Variants in AGAP1 observed in about 807,000 individuals in gnomAD.
AGAP1 encodes the protein ArfGAP with GTPase domain, ankyrin repeat and PH domain 1, also known as arf-GAP with GTPase, ANK repeat and PH domain-containing protein 1.
In AGAP1, 29 loss-of-function variants were observed where a neutral mutation model predicts 105.3. The ratio of observed to expected loss-of-function variants is 0.28; its 90% CI spans 0.21 to 0.38. The LOEUF (loss-of-function observed/expected upper bound fraction) is 0.38, where lower values mean the gene tolerates loss of function less well. AGAP1 is among the 10% of genes least tolerant of loss of function. AGAP1 has a pLI of 1.00. For missense variants in AGAP1, 998 were observed against 1,165.1 expected (o/e 0.86, Z 2.09); for synonymous variants, 509 against 485.9 (o/e 1.05, Z -0.63).
At chr2:235,835,334 C>T in intron 9 of AGAP1, among the ~76,000 whole-genome samples, 1 of 152,218 alleles carries the variant, frequency 6.6e-6, no homozygotes, top group Non-Finnish European at 1.5e-5. Context: ...CCAGAGCTCC[C>T]AGCCATCAAC....
At chr2:235,818,288 A>G (rs1369643446) in intron 9 of AGAP1, among the ~76,000 whole-genome samples, 4 of 152,212 alleles carry the variant, frequency 2.6e-5, no homozygotes, top group Non-Finnish European at 5.9e-5. Flanking sequence ...AGGTTCAGGG[A>G]TGTTAAGGTA....
rs1323289259 is a variant in AGAP1, at chr2:235,739,764, A to G, written c.311-1199A>G. 6.6e-6 allele frequency among the ~76,000 whole-genome samples: 1 copy of G among 152,130 alleles called. No individual in the cohort carries two copies. The highest frequency in any genetic ancestry group is 2.4e-5 in the African/African-American group (1 of 41,444). ...TAGCTGCCCGTCTGGAGGGCCTCGG[A>G]CACTTTCAGGCTGGGATGGGGACTC... On this transcript the variant is annotated intron_variant, in intron 3 of 17. Coordinates refer to ENST00000304032, the MANE Select transcript of AGAP1 (RefSeq NM_001037131.3). This position sits in a 1 kb window ranked among gnomAD's most constrained non-coding sequence, Gnocchi z 5.3.
intron 3 of AGAP1, among the ~76,000 whole-genome samples, chr2:235,727,739 C>T (rs1029339395): frequency 3.3e-5 from 5 of 152,198 alleles, no homozygotes; most frequent in Admixed American, 2.0e-4. Flanking sequence ...GAAAGGGGAG[C>T]GATCAGTCTC....
At chr2:235,528,769 C>T (rs747071601) in intron 1 of AGAP1, among the ~76,000 whole-genome samples, 7 of 152,230 alleles carry the variant, frequency 4.6e-5, no homozygotes, top group East Asian at 3.9e-4. Flanking sequence ...CTCCGCCTCC[C>T]GGGTTGCAAG....
chr2:236,076,311 G>A lies in AGAP1; in HGVS notation c.2114+27030G>A, dbSNP rs774016923. On this transcript the variant is annotated intron_variant, in intron 16 of 17. Coordinates refer to ENST00000304032, the MANE Select transcript of AGAP1 (RefSeq NM_001037131.3). The surrounding 1 kb of genome is among the most constrained non-coding windows in gnomAD (Gnocchi z 4.4). ...ACAAATACAAAAATTAGCCAGGCAT[G>A]GTGGCATGAGCCCATAATCCCAGCT... 3.9e-5 allele frequency among the ~76,000 whole-genome samples: 6 copies of A among 152,128 alleles called. No individual in the cohort carries two copies. The highest frequency in any genetic ancestry group is 7.4e-5 in the Non-Finnish European group (5 of 68,018).
chr2:236,029,192 T>TTG (rs202050879), intron 13 of AGAP1, among the ~76,000 whole-genome samples: 186 of 152,078 alleles, frequency 1.2e-3, no homozygotes, highest in African/African-American at 4.0e-3. Context: ...AGTTTTTTTT[T>TTG]TTTGTTTACA....
In AGAP1 at chr2:236,073,140, C is replaced by T. The variant is rs564730585; in HGVS notation, c.2114+23859C>T. ...TCCCCCGAGTAGCTGGGATTACAGGCGCACGCCACCACGCCTGGCTAATTT... is the reference window on the plus strand; with the variant it reads ...TCCCCCGAGTAGCTGGGATTACAGGTGCACGCCACCACGCCTGGCTAATTT... On this transcript the variant is annotated intron_variant, in intron 16 of 17. Coordinates refer to ENST00000304032, the MANE Select transcript of AGAP1 (RefSeq NM_001037131.3). This position sits in a 1 kb window ranked among gnomAD's most constrained non-coding sequence, Gnocchi z 5.4. Among the ~76,000 whole-genome samples, 4 of 152,090 alleles carry T rather than the reference C, an allele frequency of 2.6e-5. No homozygotes were observed. In the East Asian group the frequency reaches 5.8e-4, roughly 22 times the overall value.
intron 9 of AGAP1, among the ~76,000 whole-genome samples, chr2:235,880,742 A>G (rs924417609): frequency 9.2e-5 from 14 of 151,746 alleles, no homozygotes; most frequent in Admixed American, 7.2e-4. Flanking sequence ...TCCGTCTCAA[A>G]AAAAAAAAAA....
In AGAP1 at chr2:236,104,831, G is replaced by A. The variant is rs1056309564; in HGVS notation, c.2115-15361G>A. On this transcript the variant is annotated intron_variant, in intron 16 of 17. Transcript: ENST00000304032. This position sits in a 1 kb window ranked among gnomAD's most constrained non-coding sequence, Gnocchi z 4.7. ...TCGCTTGAACCGGGACCCGGGAGGCGGAGGTAGCAGTGAGCCCAAGTTCAT... is the reference window on the plus strand; with the variant it reads ...TCGCTTGAACCGGGACCCGGGAGGCAGAGGTAGCAGTGAGCCCAAGTTCAT... 5.3e-5 allele frequency among the ~76,000 whole-genome samples: 8 copies of A among 152,114 alleles called. No individual in the cohort carries two copies. The highest frequency in any genetic ancestry group is 8.8e-5 in the Non-Finnish European group (6 of 68,014).
At position 235,739,341 on chromosome 2, in the gene AGAP1, C is replaced by T. The variant is rs908775002; in HGVS notation, c.311-1622C>T. Among the ~76,000 whole-genome samples the T allele has an allele frequency of 6.6e-6, 1 of 152,220 alleles. No individual in the cohort carries two copies. The highest frequency in any genetic ancestry group is 2.4e-5 in the African/African-American group (1 of 41,472). On this transcript the variant is annotated intron_variant, in intron 3 of 17. Transcript: ENST00000304032. This position sits in a 1 kb window ranked among gnomAD's most constrained non-coding sequence, Gnocchi z 5.3. ...GATGACAACAGCTCTGCTAGAAAAGCATTTCTTTTTTGCCTACGAGGACTC... is the reference window on the plus strand; with the variant it reads ...GATGACAACAGCTCTGCTAGAAAAGTATTTCTTTTTTGCCTACGAGGACTC...
At chr2:235,710,711 C>T (rs541286332) in intron 2 of AGAP1, among the ~76,000 whole-genome samples, 1 of 152,294 alleles carries the variant, frequency 6.6e-6, no homozygotes, top group African/African-American at 2.4e-5. Context: ...AGGAAATGTG[C>T]GTTGAATGAA....
Position 236,123,900 on chromosome 2 carries a change from G to A in AGAP1, c.2371-19G>A. ...TCACATCCCCCATGATACTAATGTG[G>A]GCTCCCTTACCTCCGCAGTACGGAG... On this transcript the variant is annotated intron_variant, in intron 17 of 17. Transcript: ENST00000304032. The surrounding 1 kb of genome is among the most constrained non-coding windows in gnomAD (Gnocchi z 4.6). The A allele has an allele frequency of 6.2e-7, 1 of 1,611,946 alleles. No homozygotes were observed. The highest frequency in any genetic ancestry group is 8.5e-7 in the Non-Finnish European group (1 of 1,179,798).
intron 9 of AGAP1, among the ~76,000 whole-genome samples, chr2:235,862,009 C>T (rs953083564): frequency 2.6e-5 from 4 of 152,148 alleles, no homozygotes; most frequent in Non-Finnish European, 4.4e-5. Flanking sequence ...TCATTCTTTT[C>T]GTCAGAGATC....
chr2:235,592,978 G>A (rs757450863), intron 1 of AGAP1, among the ~76,000 whole-genome samples: 3 of 152,098 alleles, frequency 2.0e-5, no homozygotes, highest in Non-Finnish European at 4.4e-5. Context: ...TGGCTGGGAC[G>A]GTGGCCGGGA....
chr2:235,835,760 T>C (rs369704829), intron 9 of AGAP1, among the ~76,000 whole-genome samples: 4 of 152,212 alleles, frequency 2.6e-5, no homozygotes, highest in African/African-American at 9.6e-5. Flanking sequence ...TTTGCTCGTG[T>C]AGTTTACTAA....
chr2:235,559,450 G>A lies in AGAP1; in HGVS notation c.163+64601G>A, dbSNP rs1456751658. 6.6e-6 allele frequency among the ~76,000 whole-genome samples: 1 copy of A among 152,046 alleles called. No individual in the cohort carries two copies. Among genetic ancestry groups the A allele is most frequent in the Non-Finnish European group, 1.5e-5 (1 of 68,014 alleles). ...CCAGTGATTGATTGACGTTAGTGTC[G>A]GTATCTCTCATTGCGAACATTCTTC... On this transcript the variant is annotated intron_variant, in intron 1 of 17. Transcript: ENST00000304032. The surrounding 1 kb of genome is among the most constrained non-coding windows in gnomAD (Gnocchi z 5.7).
intron 9 of AGAP1, among the ~76,000 whole-genome samples, chr2:235,847,923 T>A (rs935569440): frequency 1.3e-5 from 2 of 152,238 alleles, no homozygotes; most frequent in African/African-American, 2.4e-5. Context: ...ACCAGGGTTA[T>A]AAAGTCCTAT....
At position 236,087,938 on chromosome 2, in the gene AGAP1, C is replaced by A. The variant is rs1446261567; in HGVS notation, c.2115-32254C>A. Among the ~76,000 whole-genome samples, 2 of 152,180 alleles carry A rather than the reference C, an allele frequency of 1.3e-5. No individual in the cohort carries two copies. The highest frequency in any genetic ancestry group is 4.8e-5 in the African/African-American group (2 of 41,440). On this transcript the variant is annotated intron_variant, in intron 16 of 17. Transcript: ENST00000304032. The surrounding 1 kb of genome is among the most constrained non-coding windows in gnomAD (Gnocchi z 5.7). ...CCTTGAACATCAGCATCTGGCACAG[C>A]CAGGGGAGGGACAGGGAGGACGAGA...
intron 9 of AGAP1, among the ~76,000 whole-genome samples, chr2:235,859,019 G>C (rs2048801392): frequency 6.6e-6 from 1 of 152,140 alleles, no homozygotes; most frequent in African/African-American, 2.4e-5. Flanking sequence ...AAGAAAAATT[G>C]GGCAGCCAAT....
Sources: gnomAD v4.1 joint callset for allele counts (sites outside exome capture counted in the v4.1 genomes callset) on GRCh38, gnomAD v4.1.1 for gene constraint, Gnocchi (gnomAD v3.1) non-coding constraint, MANE v1.5 for transcripts, NCBI Gene and HGNC (gene_info 2026-07-23, HGNC 2026-07-21) for gene names.